MCTP1: variants seen among roughly 807,000 people sequenced by gnomAD.
MCTP1 encodes multiple C2 and transmembrane domain-containing protein 1.
Under a neutral mutation model 120.6 loss-of-function variants are expected in MCTP1, and 69 were observed. The ratio of observed to expected loss-of-function variants is 0.57; its 90% CI spans 0.47 to 0.70. The LOEUF is 0.70. Ranked by LOEUF, MCTP1 falls within the 30% of genes least tolerant of loss-of-function variation. MCTP1 has a pLI of 0.00. For missense variants in MCTP1, 1,203 were observed against 1,248.8 expected (o/e 0.96, Z 0.55); for synonymous variants, 529 against 493.1 (o/e 1.07, Z -0.96).
intron 18 of MCTP1, among the ~76,000 whole-genome samples, chr5:94,791,500 T>TACACACACACACACACACAC (rs1215532713): frequency 2.2e-3 from 328 of 149,166 alleles, no homozygotes; most frequent in African/African-American, 4.0e-3. Flanking sequence ...GTTTCTAAAA[T>TACACACACACACACACACAC]ACACACACAC....
intron 17 of MCTP1, among the ~76,000 whole-genome samples, chr5:94,805,140 G>C (rs1347046862): frequency 1.3e-5 from 2 of 152,034 alleles, no homozygotes; most frequent in African/African-American, 4.8e-5. Flanking sequence ...TCTAATTCTT[G>C]TTCATAGTCT....
At chr5:95,194,617 C>T (rs1036355801) in intron 1 of MCTP1, among the ~76,000 whole-genome samples, 1 of 152,170 alleles carries the variant, frequency 6.6e-6, no homozygotes, top group Non-Finnish European at 1.5e-5. Context: ...CAGTCACTAT[C>T]CAACACCTTT....
At chr5:94,890,187 T>C (rs1802274087) in intron 11 of MCTP1, among the ~76,000 whole-genome samples, 1 of 152,130 alleles carries the variant, frequency 6.6e-6, no homozygotes, top group Non-Finnish European at 1.5e-5. Context: ...ATTAAAATTC[T>C]GTAGAAAAAT....
chr5:94,799,420 G>A (rs1561656834), intron 17 of MCTP1, among the ~76,000 whole-genome samples: 1 of 152,062 alleles, frequency 6.6e-6, no homozygotes, highest in Admixed American at 6.6e-5. Flanking sequence ...TGAAATTATT[G>A]TTAAGTTGAA....
At chr5:95,034,670 A>G (rs1840926926) in intron 1 of MCTP1, among the ~76,000 whole-genome samples, 1 of 152,064 alleles carries the variant, frequency 6.6e-6, no homozygotes, top group African/African-American at 2.4e-5. Context: ...TTATGCAAAT[A>G]ATTTAAGGTG....
intron 1 of MCTP1, among the ~76,000 whole-genome samples, chr5:95,039,087 C>A (rs565211102): frequency 1.3e-5 from 2 of 151,910 alleles, no homozygotes; most frequent in South Asian, 4.1e-4. Flanking sequence ...ACATACCTAA[C>A]AGAATTTTTG....
chr5:95,166,210 T>C (rs1029430826), intron 1 of MCTP1: 1 of 152,244 alleles, frequency 6.6e-6, no homozygotes, highest in South Asian at 2.1e-4. Flanking sequence ...TTTTCCCCTA[T>C]GGACAAAATG....
At chr5:95,268,192 T>G (rs1018772530) in intron 1 of MCTP1, among the ~76,000 whole-genome samples, 3 of 152,250 alleles carry the variant, frequency 2.0e-5, no homozygotes, top group Admixed American at 2.0e-4. Context: ...GATCGTAAGC[T>G]CTATGTGAGC....
chr5:95,140,693 T>TAAAAAAAAAA (rs35248317), intron 1 of MCTP1, among the ~76,000 whole-genome samples: 3 of 27,632 alleles, frequency 1.1e-4, no homozygotes, highest in African/African-American at 3.1e-4. Context: ...CTGTCCCTAC[T>TAAAAAAAAAA]AAAAAAAAAA....
intron 19 of MCTP1, among the ~76,000 whole-genome samples, chr5:94,777,340 A>G (rs1473407242): frequency 1.3e-5 from 2 of 152,202 alleles, no homozygotes; most frequent in Non-Finnish European, 1.5e-5. Flanking sequence ...TCCACTTGAC[A>G]TCTATGTTTT....
At chr5:95,044,644 T>G (rs1289827121) in intron 1 of MCTP1, among the ~76,000 whole-genome samples, 1 of 152,014 alleles carries the variant, frequency 6.6e-6, no homozygotes, top group Non-Finnish European at 1.5e-5. Context: ...CACTTTGACC[T>G]CCCTCTGTCC....
At chr5:95,153,895 T>A (rs918011388) in intron 1 of MCTP1, among the ~76,000 whole-genome samples, 3 of 152,224 alleles carry the variant, frequency 2.0e-5, no homozygotes, top group African/African-American at 7.2e-5. Context: ...GGCCTTTGAA[T>A]GATCTGTGTT....
chr5:94,889,767 C>CACAA (rs1802150708), intron 11 of MCTP1, among the ~76,000 whole-genome samples: 1 of 151,538 alleles, frequency 6.6e-6, no homozygotes, highest in Non-Finnish European at 1.5e-5. Context: ...CACACACACA[C>CACAA]ACACACACAC....
intron 17 of MCTP1, among the ~76,000 whole-genome samples, chr5:94,819,598 T>G (rs1477883168): frequency 1.3e-5 from 2 of 152,202 alleles, no homozygotes; most frequent in Non-Finnish European, 2.9e-5. Context: ...TCTATGTCAA[T>G]TCTAAGGGTA....
At chr5:94,881,002 T>A (rs1412331484) in intron 12 of MCTP1, among the ~76,000 whole-genome samples, 2 of 152,262 alleles carry the variant, frequency 1.3e-5, no homozygotes, top group Non-Finnish European at 2.9e-5. Flanking sequence ...TTGCTGAGCA[T>A]CCATTCCAAC....
chr5:94,811,730 T>C, intron 17 of MCTP1, among the ~76,000 whole-genome samples: 1 of 152,196 alleles, frequency 6.6e-6, no homozygotes, highest in East Asian at 1.9e-4. Flanking sequence ...AATTAGCTCT[T>C]GTCAAACTGT....
At chr5:94,945,878 G>A (rs888117936) in intron 3 of MCTP1, among the ~76,000 whole-genome samples, 3 of 152,168 alleles carry the variant, frequency 2.0e-5, no homozygotes, top group African/African-American at 7.2e-5. Context: ...GAAGTGGAGA[G>A]GCACTGAGGA....
chr5:95,168,559 G>A (rs930550449), intron 1 of MCTP1, among the ~76,000 whole-genome samples: 17 of 152,168 alleles, frequency 1.1e-4, no homozygotes, highest in African/African-American at 3.1e-4. Context: ...ATTTGTTTGT[G>A]TCCTCTTTTA....
intron 1 of MCTP1, among the ~76,000 whole-genome samples, chr5:95,148,689 C>T (rs1329473828): frequency 2.0e-5 from 3 of 152,240 alleles, no homozygotes; most frequent in Non-Finnish European, 1.5e-5. Flanking sequence ...AATTCTATAA[C>T]TATAATGTGG....
Sources: allele counts gnomAD v4.1 joint callset (sites outside exome capture counted in the v4.1 genomes callset), GRCh38; gene constraint gnomAD v4.1.1; transcripts MANE v1.5; gene names NCBI Gene and HGNC (gene_info 2026-07-23, HGNC 2026-07-21).